Variants in C16orf96 observed in about 807,000 individuals in gnomAD.
The protein encoded by C16orf96 is chromosome 16 open reading frame 96.
C16orf96 carries 108 observed loss-of-function variants against 103.6 expected under a neutral mutation model. That is an observed-to-expected ratio of 1.04 (90% confidence interval 0.89 to 1.22). C16orf96 has a LOEUF of 1.22. Ranked by LOEUF, C16orf96 falls within the 50% of genes most tolerant of loss-of-function variation. The pLI is 0.00. For synonymous variants in C16orf96, 566 were observed against 593.5 expected (o/e 0.95, Z 0.67); for missense variants, 1,586 against 1,464.2 (o/e 1.08, Z -1.36).
chr16:4,586,131 G>A (rs1896922647), intron 7 of C16orf96, among the ~76,000 whole-genome samples: 1 of 152,128 alleles, frequency 6.6e-6, no homozygotes, highest in Non-Finnish European at 1.5e-5. Flanking sequence ...GTGGTGTTGG[G>A]TGTCAGTGAC....
At chr16:4,582,720 T>C (rs1896820321) in intron 7 of C16orf96, among the ~76,000 whole-genome samples, 1 of 152,148 alleles carries the variant, frequency 6.6e-6, no homozygotes, top group South Asian at 2.1e-4. Flanking sequence ...CCTTTCTCCA[T>C]GGAGCTGGAG....
the C16orf96 span, among the ~76,000 whole-genome samples, chr16:4,547,733 T>TTTCTTTCTTTCTTTCTTTCC: frequency 6.8e-6 from 1 of 146,042 alleles, no homozygotes; most frequent in African/African-American, 2.6e-5. Context: ...TCTTTCTTTC[T>TTTCTTTCTTTCTTTCTTTCC]TTCTCCTTCC....
intron 1 of C16orf96, 97 bp from the exon 2 acceptor site, chr16:4,571,464 C>A: frequency 9.7e-7 from 1 of 1,034,704 alleles, no homozygotes; most frequent in Non-Finnish European, 1.4e-6. Context: ...GCCAAGAGGA[C>A]CTCTTGAACA....
rs1420802435 is a variant in C16orf96, at chr16:4,600,573, G to A, written c.*256G>A. On this transcript the variant is annotated 3_prime_UTR_variant, in exon 16 of 16. Coordinates refer to ENST00000444310, the MANE Select transcript of C16orf96 (RefSeq NM_001145011.2). ...CCCACCCCCACCAAGTCCCGTCCCC[G>A]GCTGAGACCCAGGGCCCTGAGCCTG... The A allele has an allele frequency of 1.2e-5, 5 of 425,960 alleles. No homozygotes were observed. The highest frequency in any genetic ancestry group is 5.2e-5 in the African/African-American group (2 of 38,210). 26.4% of individuals were successfully genotyped at this position (425,960 alleles called of 1,614,324 possible).
At chr16:4,543,445 T>G in the C16orf96 span, among the ~76,000 whole-genome samples, 1 of 152,280 alleles carries the variant, frequency 6.6e-6, no homozygotes, top group East Asian at 1.9e-4. Context: ...TTGAGAATTT[T>G]GGGCTGAGTA....
intron 14 of C16orf96, among the ~76,000 whole-genome samples, chr16:4,595,775 C>T (rs888704129): frequency 1.2e-4 from 18 of 151,944 alleles, no homozygotes; most frequent in African/African-American, 4.4e-4. Flanking sequence ...GGTGCGATCT[C>T]GGTTCACTGC....
the C16orf96 span, chr16:4,538,964 T>A: frequency 6.6e-6 from 1 of 152,168 alleles, no homozygotes; most frequent in African/African-American, 2.4e-5. Context: ...GGCTGGAGAA[T>A]AGGGAAAGAA....
At chr16:4,539,779 T>C in the C16orf96 span, among the ~76,000 whole-genome samples, 1 of 152,072 alleles carries the variant, frequency 6.6e-6, no homozygotes, top group Admixed American at 6.6e-5. Context: ...AGGTATAATA[T>C]CACTATTGTA....
At chr16:4,596,290 G>A (rs1246233283) in intron 14 of C16orf96, among the ~76,000 whole-genome samples, 2 of 152,062 alleles carry the variant, frequency 1.3e-5, no homozygotes, top group African/African-American at 4.8e-5. Flanking sequence ...TTCAAGACTA[G>A]CCTGAACAAC....
At chr16:4,560,915 A>AGGCTGAGGTGGGTGGATC (rs1488135906) in intron 1 of C16orf96, 2 of 152,230 alleles carry the variant, frequency 1.3e-5, no homozygotes, top group Non-Finnish European at 2.9e-5. Context: ...ACACTTTGGG[A>AGGCTGAGGTGGGTGGATC]GGCTGAGGTG....
chr16:4,552,701 TG>T (rs1048241276), upstream of C16orf96, among the ~76,000 whole-genome samples: 6 of 152,112 alleles, frequency 3.9e-5, no homozygotes, highest in Non-Finnish European at 5.9e-5. Context: ...CTGGACTGGC[TG>T]GGTCACAGTG....
At chr16:4,556,072 C>T (rs994831872), upstream of C16orf96, among the ~76,000 whole-genome samples, 3 of 152,058 alleles carry the variant, frequency 2.0e-5, no homozygotes, top group South Asian at 2.1e-4. Flanking sequence ...GTCTTCTGCC[C>T]GGATTCGAGA....
At chr16:4,571,476 C>A in intron 1 of C16orf96, 85 bp from the exon 2 acceptor site, 1 of 1,178,556 alleles carries the variant, frequency 8.5e-7, no homozygotes, top group Non-Finnish European at 1.2e-6. Context: ...TCTTGAACAA[C>A]GGCTATCATC....
Position 4,575,915 on chromosome 16 carries a change from C to A in C16orf96, c.1435C>A (p.Pro479Thr). 6.4e-7 allele frequency: 1 copy of A among 1,551,512 alleles called. No individual in the cohort carries two copies. Among genetic ancestry groups the A allele is most frequent in the Non-Finnish European group, 8.7e-7 (1 of 1,146,958 alleles). The change falls in exon 5 of 16, where the codon CCC (proline) becomes ACC (threonine). Residue 479 changes from proline to threonine, a missense_variant. Physicochemically the swap from Pro to Thr is conservative, Grantham distance 38. Coordinates refer to ENST00000444310, the MANE Select transcript of C16orf96 (RefSeq NM_001145011.2). ...GGAGAGGGCCCGCAAGGATGGGGCC[C>A]CCAAGGATAGAACTCGCAAGGATGG... ...LRERARKDGA[P>T]KDRTRKDGVP... is the part of the protein sequence containing the mutation.
At chr16:4,560,510 TA>T (rs1425861530) in intron 1 of C16orf96, 7 of 151,988 alleles carry the variant, frequency 4.6e-5, no homozygotes, top group African/African-American at 1.7e-4. Context: ...AATACTAAAA[TA>T]TTTTTATACT....
Position 4,556,401 on chromosome 16 carries a change from C to A in C16orf96, c.-89C>A. ...ACCACCACCCCAGGCCTCTGAGGAC[C>A]AGTCCATGTAGCTCTCGGAACCACT... On this transcript the variant is annotated 5_prime_UTR_variant, in exon 1 of 16. Transcript: ENST00000444310. The A allele has an allele frequency of 7.4e-7, 1 of 1,346,914 alleles. No homozygotes were observed. The allele number at this position is 1,346,914 out of a possible 1,614,324, so 83.4% of individuals were successfully genotyped here. A position where few individuals can be genotyped will look rare whatever the true frequency, so the allele number is the denominator to read the frequency against.
upstream of C16orf96, among the ~76,000 whole-genome samples, chr16:4,552,369 C>G (rs2059233409): frequency 6.6e-6 from 1 of 150,896 alleles, no homozygotes; most frequent in Non-Finnish European, 1.5e-5. Flanking sequence ...GTCATGCCAG[C>G]TACTTGGGAG....
intron 2 of C16orf96, 118 bp downstream of exon 2, chr16:4,571,783 T>A: frequency 4.7e-6 from 4 of 843,358 alleles, no homozygotes; most frequent in Non-Finnish European, 7.3e-6. Flanking sequence ...TGTGAGGGTG[T>A]GGTCATGTGG....
In C16orf96 at chr16:4,593,123, C is replaced by A; in HGVS notation, c.2775-101C>A. The A allele has an allele frequency of 1.7e-6, 2 of 1,163,276 alleles. No homozygotes were observed. The highest frequency in any genetic ancestry group is 2.5e-6 in the Non-Finnish European group (2 of 802,926). The allele number at this position is 1,163,276 out of a possible 1,614,324, so 72.1% of individuals were successfully genotyped here. ...GGGTGGTGACCTGAGTCTGCACCTCCTTCCTCCTGCTGGGAAGGCTTCCTG... is the reference window on the plus strand; with the variant it reads ...GGGTGGTGACCTGAGTCTGCACCTCATTCCTCCTGCTGGGAAGGCTTCCTG... On this transcript the variant is annotated intron_variant, in intron 11 of 15. Coordinates refer to ENST00000444310, the MANE Select transcript of C16orf96 (RefSeq NM_001145011.2). This position sits in a 1 kb window ranked among gnomAD's most constrained non-coding sequence, Gnocchi z 4.2.
Sources: gnomAD v4.1 joint callset for allele counts (sites outside exome capture counted in the v4.1 genomes callset) on GRCh38, gnomAD v4.1.1 for gene constraint, Gnocchi (gnomAD v3.1) non-coding constraint, MANE v1.5 for transcripts, NCBI Gene and HGNC (gene_info 2026-07-23, HGNC 2026-07-21) for gene names.